FTCDNL1: variants seen among roughly 807,000 people sequenced by gnomAD.
FTCDNL1 encodes formiminotransferase N-terminal subdomain-containing protein.
A neutral mutation model predicts 5.9 loss-of-function variants in FTCDNL1; 11 were observed. The observed-to-expected ratio is 1.87, with a 90% CI of 1.18 to 3.10. The LOEUF is 3.10. Among genes scored for constraint, FTCDNL1 ranks in the 30% most tolerant of loss-of-function variants. The pLI is 0.00. For missense variants in FTCDNL1, 115 were observed against 65.5 expected, an observed-to-expected ratio of 1.76 and a Z score of -2.61; for synonymous variants, 58 against 24.8, an observed-to-expected ratio of 2.34 and a Z score of -3.99.
intron 3 of FTCDNL1, among the ~76,000 whole-genome samples, chr2:199,781,481 C>A (rs1044153385): frequency 6.6e-6 from 1 of 152,162 alleles, no homozygotes; most frequent in African/African-American, 2.4e-5. Flanking sequence ...CTACTTGGTG[C>A]TTCTCTTTCA....
the FTCDNL1 span, among the ~76,000 whole-genome samples, chr2:199,734,948 CAT>C: frequency 2.0e-4 from 31 of 152,156 alleles, no homozygotes; most frequent in East Asian, 3.1e-3. Flanking sequence ...CCAAACCCCA[CAT>C]GTCTGACAGA....
intron 3 of FTCDNL1, among the ~76,000 whole-genome samples, chr2:199,827,208 G>T (rs1248079999): frequency 6.6e-6 from 1 of 152,150 alleles, no homozygotes; most frequent in African/African-American, 2.4e-5. Flanking sequence ...GGAAATGTGA[G>T]GGATAAAGAC....
chr2:199,791,111 A>C (rs1699903745), intron 3 of FTCDNL1, among the ~76,000 whole-genome samples: 1 of 152,282 alleles, frequency 6.6e-6, no homozygotes, highest in African/African-American at 2.4e-5. Context: ...AATAAATAGG[A>C]ACTATTACGT....
At chr2:199,821,151 T>C (rs1278732959) in intron 3 of FTCDNL1, among the ~76,000 whole-genome samples, 99 of 151,964 alleles carry the variant, frequency 6.5e-4, no homozygotes, top group Non-Finnish European at 2.9e-5. Context: ...TGGTGGTTTT[T>C]TGTTTGTTTG....
intron 3 of FTCDNL1, among the ~76,000 whole-genome samples, chr2:199,800,548 TA>T (rs1700391894): frequency 6.6e-6 from 1 of 152,232 alleles, no homozygotes; most frequent in Admixed American, 6.5e-5. Context: ...TAACTACAAT[TA>T]TTGTGAATTC....
chr2:199,743,120 G>A, the FTCDNL1 span, among the ~76,000 whole-genome samples: 1 of 152,156 alleles, frequency 6.6e-6, no homozygotes, highest in Non-Finnish European at 1.5e-5. Flanking sequence ...AACAGCAGCT[G>A]GGGCTACAGT....
the FTCDNL1 span, among the ~76,000 whole-genome samples, chr2:199,723,661 G>A: frequency 1.4e-3 from 206 of 152,186 alleles, 1 homozygote; most frequent in African/African-American, 4.6e-3. Flanking sequence ...TTTGTCTTCA[G>A]TTCCATTTAT....
At chr2:199,765,554 A>ATTTT (rs1394074600) in intron 3 of FTCDNL1, among the ~76,000 whole-genome samples, 12 of 60,380 alleles carry the variant, frequency 2.0e-4, no homozygotes, top group African/African-American at 2.9e-4. Context: ...ATATATATAT[A>ATTTT]TATTTTTTTT....
chr2:199,815,754 C>A (rs562702623), intron 4 of FTCDNL1, among the ~76,000 whole-genome samples: 38 of 152,244 alleles, frequency 2.5e-4, no homozygotes, highest in African/African-American at 8.4e-4. Context: ...GTAATCCCAG[C>A]ACTTTGGGAG....
At chr2:199,735,628 A>C in the FTCDNL1 span, among the ~76,000 whole-genome samples, 1 of 152,186 alleles carries the variant, frequency 6.6e-6, no homozygotes, top group African/African-American at 2.4e-5. Context: ...AGAAATGGGC[A>C]AAGAAATCAG....
chr2:199,825,987 C>A (rs914944351), intron 3 of FTCDNL1, among the ~76,000 whole-genome samples: 1 of 142,552 alleles, frequency 7.0e-6, no homozygotes, highest in African/African-American at 2.5e-5. Context: ...GTGCTCCAGC[C>A]ATAACTTAGT....
At chr2:199,850,217 A>G (rs2076838901) in intron 1 of FTCDNL1, among the ~76,000 whole-genome samples, 1 of 152,200 alleles carries the variant, frequency 6.6e-6, no homozygotes, top group African/African-American at 2.4e-5. Context: ...TTTTCTAGAT[A>G]TTAATAACAT....
the FTCDNL1 span, among the ~76,000 whole-genome samples, chr2:199,682,007 T>G: frequency 2.0e-5 from 3 of 152,178 alleles, no homozygotes; most frequent in Non-Finnish European, 2.9e-5. Flanking sequence ...TTCCAAATGC[T>G]GTCTCATTTT....
At chr2:199,696,553 C>CT in the FTCDNL1 span, among the ~76,000 whole-genome samples, 2 of 152,010 alleles carry the variant, frequency 1.3e-5, no homozygotes, top group Admixed American at 1.3e-4. Flanking sequence ...GCCTTGGCCA[C>CT]CTGAAATTGT....
At chr2:199,798,194 G>A (rs1395680058) in intron 3 of FTCDNL1, among the ~76,000 whole-genome samples, 1 of 152,174 alleles carries the variant, frequency 6.6e-6, no homozygotes, top group African/African-American at 2.4e-5. Context: ...CTTGATAAAT[G>A]ATTAAACCAA....
chr2:199,760,775 C>G (rs1368998870), exon 4 of FTCDNL1: 5 of 702,334 alleles, frequency 7.1e-6, no homozygotes, highest in Non-Finnish European at 1.3e-5. Flanking sequence ...CTGCCCTCCT[C>G]TGGTTCCTGG....
At chr2:199,780,055 T>C (rs1354752139) in intron 3 of FTCDNL1, among the ~76,000 whole-genome samples, 1 of 152,156 alleles carries the variant, frequency 6.6e-6, no homozygotes, top group Non-Finnish European at 1.5e-5. Flanking sequence ...TGGAGTTCCC[T>C]GGAGAACAGA....
chr2:199,768,816 C>T (rs576447329), intron 3 of FTCDNL1, among the ~76,000 whole-genome samples: 5 of 152,206 alleles, frequency 3.3e-5, no homozygotes, highest in African/African-American at 7.2e-5. Context: ...CTCTTTAACA[C>T]GTACTTGGCT....
the FTCDNL1 span, among the ~76,000 whole-genome samples, chr2:199,681,993 C>T: frequency 6.6e-6 from 1 of 152,090 alleles, no homozygotes; most frequent in Non-Finnish European, 1.5e-5. Flanking sequence ...AAAAGCAACA[C>T]TCTTTCCAAA....
Sources: gnomAD v4.1 joint callset for allele counts (sites outside exome capture counted in the v4.1 genomes callset) on GRCh38, gnomAD v4.1.1 for gene constraint, MANE v1.5 for transcripts, NCBI Gene and HGNC (gene_info 2026-07-23, HGNC 2026-07-21) for gene names.